MRGPRX3: variants seen among roughly 807,000 people sequenced by gnomAD.
MRGPRX3 encodes the protein MAS related GPR family member X3.
A neutral mutation model predicts 16.5 loss-of-function variants in MRGPRX3; 14 were observed. The ratio of observed to expected loss-of-function variants is 0.85; its 90% CI spans 0.56 to 1.33. The LOEUF is 1.33. MRGPRX3 is among the 40% of genes most tolerant of loss of function. The pLI is 0.00. For synonymous variants in MRGPRX3, 199 were observed against 180.1 expected (o/e 1.10, Z -0.84); for missense variants, 449 against 413.0 (o/e 1.09, Z -0.76).
upstream of MRGPRX3, among the ~76,000 whole-genome samples, chr11:18,130,712 A>AAAC (rs1554906743): frequency 4.0e-5 from 6 of 148,308 alleles, no homozygotes; most frequent in African/African-American, 1.2e-4. Context: ...AAAAAAAAAA[A>AAAC]CCCGCATAGC....
In MRGPRX3 at chr11:18,125,400, G is replaced by A. The variant is rs571135787; in HGVS notation, c.-152+4236G>A. Among the ~76,000 whole-genome samples, 31 of 152,124 alleles carry A rather than the reference G, an allele frequency of 2.0e-4. No homozygotes were observed. The East Asian group carries it at 3.3e-3, about 16-fold the overall frequency. ...TCTGGTATGTTGTGTCTTTGTTCTCGTTGGTTTCAAAGAACATATTTATTT... is the reference window on the plus strand; with the variant it reads ...TCTGGTATGTTGTGTCTTTGTTCTCATTGGTTTCAAAGAACATATTTATTT... On this transcript the variant is annotated intron_variant, in intron 1 of 2. Coordinates refer to the MRGPRX3 transcript ENST00000396275.
chr11:18,125,101 A>G (rs1409979873), intron 1 of MRGPRX3, among the ~76,000 whole-genome samples: 2 of 151,916 alleles, frequency 1.3e-5, no homozygotes, highest in Non-Finnish European at 2.9e-5. Flanking sequence ...TAGTCTTGCT[A>G]GCGGTCTATC....
chr11:18,123,916 C>T (rs12279251), intron 1 of MRGPRX3, among the ~76,000 whole-genome samples: 7,761 of 152,046 alleles, frequency 0.051, 661 homozygotes, highest in African/African-American at 0.18. Context: ...CCCTTGTAAG[C>T]TGGATTCCTA....
At position 18,138,333 on chromosome 11, in the gene MRGPRX3, A is replaced by G; in HGVS notation, c.*162A>G. 1 of 1,102,826 alleles carries G rather than the reference A, an allele frequency of 9.1e-7. No homozygotes were observed. The highest frequency in any genetic ancestry group is 1.3e-6 in the Non-Finnish European group (1 of 784,618). The allele number at this position is 1,102,826 out of a possible 1,614,324, so 68.3% of individuals were successfully genotyped here. A position where few individuals can be genotyped will look rare whatever the true frequency, so the allele number is the denominator to read the frequency against. On this transcript the variant is annotated 3_prime_UTR_variant, in exon 2 of 2. Coordinates refer to ENST00000621697, the MANE Select transcript of MRGPRX3 (RefSeq NM_001370464.1). ...ATCTAACCTGACAGTTGCAGTTTTCACCCATGGAAAGCATTAGTCTGACAG... is the reference window on the plus strand; with the variant it reads ...ATCTAACCTGACAGTTGCAGTTTTCGCCCATGGAAAGCATTAGTCTGACAG...
Position 18,137,701 on chromosome 11 carries a change from G to A in MRGPRX3, c.499G>A (p.Gly167Ser). Residue 167 changes from glycine (G) to serine (S), a missense_variant, in exon 2 of 2, where the codon GGT becomes AGT. Transcript: ENST00000621697. ...GATGTTCTGTGACTTCCTGTTTAGT[G>A]GTGCTAATTCTGTTTGGTGTGAAAC... is the stretch of plus-strand genomic sequence containing the variant. ...EWMFCDFLFS[G>S]ANSVWCETSD... The A allele has an allele frequency of 6.2e-7, 1 of 1,614,130 alleles. No individual in the cohort carries two copies.
intron 1 of MRGPRX3, among the ~76,000 whole-genome samples, chr11:18,126,388 TG>T (rs1848896004): frequency 6.6e-6 from 1 of 152,202 alleles, no homozygotes; most frequent in Admixed American, 6.5e-5. Context: ...GCAGTCCTGG[TG>T]GTGCCAAAAT....
upstream of MRGPRX3, among the ~76,000 whole-genome samples, chr11:18,131,833 CACTT>C (rs1372078574): frequency 2.6e-5 from 4 of 152,082 alleles, no homozygotes; most frequent in African/African-American, 4.8e-5. Flanking sequence ...CATATGTTCT[CACTT>C]ACAAGTGGGG....
intron 1 of MRGPRX3, among the ~76,000 whole-genome samples, chr11:18,124,544 G>A (rs1431670157): frequency 2.0e-5 from 3 of 152,194 alleles, no homozygotes; most frequent in Admixed American, 2.0e-4. Flanking sequence ...AAGCCCACTT[G>A]ATCATGGTGA....
At chr11:18,135,280 G>A (rs1173479948) in intron 1 of MRGPRX3, among the ~76,000 whole-genome samples, 4 of 152,162 alleles carry the variant, frequency 2.6e-5, no homozygotes, top group East Asian at 3.8e-4. Context: ...TACTCCTTAC[G>A]GATCTTCGGG....
upstream of MRGPRX3, among the ~76,000 whole-genome samples, chr11:18,131,007 G>T (rs1322500493): frequency 6.6e-6 from 1 of 152,054 alleles, no homozygotes; most frequent in African/African-American, 2.4e-5. Context: ...CTGGATCCTT[G>T]TCTCTCACTT....
intron 1 of MRGPRX3, among the ~76,000 whole-genome samples, chr11:18,136,421 A>G (rs1849008009): frequency 6.6e-6 from 1 of 152,172 alleles, no homozygotes; most frequent in South Asian, 2.1e-4. Flanking sequence ...GGCACTCATC[A>G]ATCATTCTTC....
At chr11:18,128,155 G>A (rs1463510356), upstream of MRGPRX3, among the ~76,000 whole-genome samples, 1 of 152,198 alleles carries the variant, frequency 6.6e-6, no homozygotes. Context: ...GGAGTACCTG[G>A]CCATGTGAGG....
chr11:18,122,925 C>T lies in MRGPRX3; in HGVS notation c.-152+1761C>T, dbSNP rs532335266. On this transcript the variant is annotated intron_variant, in intron 1 of 2. Coordinates refer to the MRGPRX3 transcript ENST00000396275. ...CTCATTGTGGTTTTGATTTGCATTTCTCTGATGGCCAGTGATGGTGAGCAT... is the reference window on the plus strand; with the variant it reads ...CTCATTGTGGTTTTGATTTGCATTTTTCTGATGGCCAGTGATGGTGAGCAT... Among the ~76,000 whole-genome samples, 4 of 152,240 alleles carry T rather than the reference C, an allele frequency of 2.6e-5. No individual in the cohort carries two copies. The East Asian group carries it at 7.7e-4, about 29-fold the overall frequency.
At chr11:18,133,652 C>T (rs1848982915) in intron 1 of MRGPRX3, among the ~76,000 whole-genome samples, 1 of 152,134 alleles carries the variant, frequency 6.6e-6, no homozygotes, top group Non-Finnish European at 1.5e-5. Flanking sequence ...TGCCTTTCAC[C>T]AGGATTGGAA....
At chr11:18,122,413 C>CACCTGTGA (rs1285727145) in intron 1 of MRGPRX3, among the ~76,000 whole-genome samples, 1 of 152,144 alleles carries the variant, frequency 6.6e-6, no homozygotes, top group East Asian at 1.9e-4. Context: ...GTTCAATTCC[C>CACCTGTGA]ACCTGTGAGT....
upstream of MRGPRX3, among the ~76,000 whole-genome samples, chr11:18,129,404 A>G (rs1848937763): frequency 3.9e-5 from 6 of 152,246 alleles, no homozygotes; most frequent in Admixed American, 2.6e-4. Flanking sequence ...GACTATTGTG[A>G]TCACCTTTAC....
chr11:18,124,506 G>A (rs1437096232), intron 1 of MRGPRX3, among the ~76,000 whole-genome samples: 3 of 152,008 alleles, frequency 2.0e-5, no homozygotes, highest in South Asian at 2.1e-4. Flanking sequence ...ATTTGCGTGT[G>A]TTGAACCAGC....
intron 1 of MRGPRX3, among the ~76,000 whole-genome samples, chr11:18,124,548 ATGGTG>A (rs1848871351): frequency 1.3e-5 from 2 of 152,150 alleles, no homozygotes; most frequent in African/African-American, 4.8e-5. Context: ...CCACTTGATC[ATGGTG>A]AGTAAGCTTT....
At chr11:18,131,990 C>G (rs1156791900), upstream of MRGPRX3, among the ~76,000 whole-genome samples, 2 of 152,088 alleles carry the variant, frequency 1.3e-5, no homozygotes, top group African/African-American at 4.8e-5. Context: ...ACCAAAATCT[C>G]AGAAATTACC....
Sources: allele counts gnomAD v4.1 joint callset (sites outside exome capture counted in the v4.1 genomes callset), GRCh38; gene constraint gnomAD v4.1.1; transcripts MANE v1.5; gene names NCBI Gene and HGNC (gene_info 2026-07-23, HGNC 2026-07-21).